Variants in FHIT observed in about 807,000 individuals in gnomAD.
FHIT encodes the protein bis(5'-adenosyl)-triphosphatase.
FHIT carries 19 observed loss-of-function variants against 17.9 expected under a neutral mutation model. That is an observed-to-expected ratio of 1.06 (90% CI 0.74 to 1.56). The LOEUF (loss-of-function observed/expected upper bound fraction) is 1.56, where lower values mean the gene tolerates loss of function less well. Ranked by LOEUF, FHIT falls within the 40% of genes most tolerant of loss-of-function variation. FHIT has a pLI of 0.00. For missense variants in FHIT, 248 were observed against 189.2 expected (o/e 1.31, Z -1.82); for synonymous variants, 81 against 69.7 (o/e 1.16, Z -0.81).
chr3:60,916,898 A>AATCGC (rs1553767241), intron 3 of FHIT, among the ~76,000 whole-genome samples: 1 of 152,202 alleles, frequency 6.6e-6, no homozygotes, highest in Non-Finnish European at 1.5e-5. Context: ...ACAGAATTAG[A>AATCGC]ATCGCATAAA....
chr3:60,976,096 C>CTTTTTT (rs869239307), intron 3 of FHIT, among the ~76,000 whole-genome samples: 2,705 of 66,882 alleles, frequency 0.04, 90 homozygotes, highest in East Asian at 0.074. Context: ...TTTTCTTTTT[C>CTTTTTT]TTTTTTTTTT....
Position 61,033,710 on chromosome 3 carries a change from C to T in FHIT, c.-111+8337G>A, listed in dbSNP as rs74958864. On this transcript the variant is annotated intron_variant, in intron 3 of 9. Coordinates refer to ENST00000492590, the MANE Select transcript of FHIT (RefSeq NM_002012.4). ...AACTCTGTTCTTACTCTACCTTCCA[C>T]TTTATGTCTGTTTTTAATACTCCAA... 8.9e-3 allele frequency among the ~76,000 whole-genome samples: 1,356 copies of T among 152,288 alleles called. 13 individuals are homozygous for T. Among genetic ancestry groups the T allele is most frequent in the African/African-American group, 0.031 (1,297 of 41,546 alleles).
rs546993777 is a variant in FHIT at position 60,367,756 on chromosome 3, G to A, written c.103+169104C>T. Reference sequence around the variant, plus strand: ...TAACAAATGTATACACACATACAAAGCTCTAATCAAGTTATCGAATATTTC... The same window carrying A: ...TAACAAATGTATACACACATACAAAACTCTAATCAAGTTATCGAATATTTC... On this transcript the variant is annotated intron_variant, in intron 5 of 9. Transcript: ENST00000492590. 2.0e-5 allele frequency among the ~76,000 whole-genome samples: 3 copies of A among 152,212 alleles called. No individual in the cohort carries two copies. In the East Asian group the frequency reaches 5.8e-4, roughly 29 times the overall value.
At chr3:60,943,606 T>C (rs1553775045) in intron 3 of FHIT, among the ~76,000 whole-genome samples, 1 of 152,170 alleles carries the variant, frequency 6.6e-6, no homozygotes, top group African/African-American at 2.4e-5. Flanking sequence ...CATTTGTATA[T>C]TGGCTTTGAT....
intron 1 of FHIT, among the ~76,000 whole-genome samples, chr3:61,208,414 T>TA (rs1300097703): frequency 6.6e-6 from 1 of 152,074 alleles, no homozygotes; most frequent in Non-Finnish European, 1.5e-5. Flanking sequence ...GACAGTGGGG[T>TA]ATTAAAGTCT....
intron 5 of FHIT, among the ~76,000 whole-genome samples, chr3:60,048,229 T>C (rs1255132995): frequency 6.6e-6 from 1 of 152,194 alleles, no homozygotes; most frequent in Non-Finnish European, 1.5e-5. Context: ...CAGGCTGGAG[T>C]GCAGTGGCGT....
At chr3:59,858,628 A>G (rs558402239) in intron 8 of FHIT, among the ~76,000 whole-genome samples, 1 of 151,968 alleles carries the variant, frequency 6.6e-6, no homozygotes, top group Admixed American at 6.5e-5. Flanking sequence ...CTGTAACTGA[A>G]CATGCAGGGC....
intron 8 of FHIT, among the ~76,000 whole-genome samples, chr3:59,904,431 A>G (rs1489831163): frequency 6.6e-6 from 1 of 152,186 alleles, no homozygotes; most frequent in Non-Finnish European, 1.5e-5. Flanking sequence ...TGTCAGAAAC[A>G]GATTGGAGAA....
At position 61,009,383 on chromosome 3, in the gene FHIT, C is replaced by T. The variant is rs532911218; in HGVS notation, c.-111+32664G>A. Among the ~76,000 whole-genome samples, 5 of 152,246 alleles carry T rather than the reference C, an allele frequency of 3.3e-5. No homozygotes were observed. The South Asian group carries it at 8.3e-4, about 25-fold the overall frequency. ...ACGGTAAAGTGCTTTCCTCCACTACCATATATGAAATTTGATCTTAAGAAA... is the reference window on the plus strand; with the variant it reads ...ACGGTAAAGTGCTTTCCTCCACTACTATATATGAAATTTGATCTTAAGAAA... On this transcript the variant is annotated intron_variant, in intron 3 of 9. Coordinates refer to ENST00000492590, the MANE Select transcript of FHIT (RefSeq NM_002012.4).
At chr3:60,428,883 T>C (rs145084362) in intron 5 of FHIT, among the ~76,000 whole-genome samples, 44 of 152,200 alleles carry the variant, frequency 2.9e-4, no homozygotes, top group Non-Finnish European at 2.8e-4. Context: ...AAATACCCAA[T>C]ATGAATGGGA....
At chr3:60,801,992 T>G (rs1701208546) in intron 4 of FHIT, among the ~76,000 whole-genome samples, 1 of 152,208 alleles carries the variant, frequency 6.6e-6, no homozygotes, top group African/African-American at 2.4e-5. Flanking sequence ...TTAAGAAGTA[T>G]CATTCATAAG....
intron 4 of FHIT, among the ~76,000 whole-genome samples, chr3:60,724,799 C>T (rs576907788): frequency 6.6e-6 from 1 of 152,092 alleles, no homozygotes; most frequent in South Asian, 2.1e-4. Flanking sequence ...CAGGCACGCC[C>T]CACCATGCCT....
At chr3:60,783,904 T>C (rs1700476590) in intron 4 of FHIT, among the ~76,000 whole-genome samples, 1 of 152,202 alleles carries the variant, frequency 6.6e-6, no homozygotes, top group African/African-American at 2.4e-5. Context: ...CATAGTCAAA[T>C]TACTTAATGA....
chr3:60,088,792 GA>G (rs35605213), intron 5 of FHIT, among the ~76,000 whole-genome samples: 52,207 of 151,990 alleles, frequency 0.34, 9,677 homozygotes, highest in African/African-American at 0.48. Flanking sequence ...TAATTAATTG[GA>G]TAAGAAACTT....
At chr3:59,825,835 G>T (rs1205358130) in intron 8 of FHIT, among the ~76,000 whole-genome samples, 1 of 152,168 alleles carries the variant, frequency 6.6e-6, no homozygotes, top group Non-Finnish European at 1.5e-5. Context: ...TGAATTCACT[G>T]AGTGACTGAA....
chr3:60,489,309 T>C (rs2033968120), intron 5 of FHIT, among the ~76,000 whole-genome samples: 1 of 152,184 alleles, frequency 6.6e-6, no homozygotes, highest in Non-Finnish European at 1.5e-5. Flanking sequence ...AATGTACATA[T>C]GATCTCATTT....
chr3:60,796,997 T>G (rs2108133983), intron 4 of FHIT, among the ~76,000 whole-genome samples: 1 of 152,346 alleles, frequency 6.6e-6, no homozygotes, highest in East Asian at 1.9e-4. Flanking sequence ...GGCCATGTGT[T>G]TGTATTACAT....
At chr3:61,153,547 G>C (rs1445210682) in intron 2 of FHIT, among the ~76,000 whole-genome samples, 1 of 152,114 alleles carries the variant, frequency 6.6e-6, no homozygotes, top group African/African-American at 2.4e-5. Context: ...TTTTGTCTTT[G>C]AGTGACATGA....
chr3:59,895,945 C>T (rs568223532), intron 8 of FHIT, among the ~76,000 whole-genome samples: 1 of 152,298 alleles, frequency 6.6e-6, no homozygotes, highest in Admixed American at 6.5e-5. Flanking sequence ...TCTGCACTGG[C>T]CTGGGAATGC....
Sources: allele counts gnomAD v4.1 joint callset (sites outside exome capture counted in the v4.1 genomes callset), GRCh38; gene constraint gnomAD v4.1.1; transcripts MANE v1.5; gene names NCBI Gene and HGNC (gene_info 2026-07-23, HGNC 2026-07-21).